DLG2: variants seen among roughly 807,000 people sequenced by gnomAD.
The protein encoded by DLG2 is discs large MAGUK scaffold protein 2.
DLG2 carries 45 observed loss-of-function variants against 132.5 expected under a neutral mutation model. The ratio of observed to expected loss-of-function variants is 0.34; its 90% CI spans 0.27 to 0.44. The LOEUF (loss-of-function observed/expected upper bound fraction) is 0.44. Among genes scored for constraint, DLG2 ranks in the 20% least tolerant of loss-of-function variants. DLG2 has a pLI of 1.00. For missense variants in DLG2, 1,045 were observed against 1,196.9 expected, an observed-to-expected ratio of 0.87 and a Z score of 1.87; for synonymous variants, 424 against 419.6, an observed-to-expected ratio of 1.01 and a Z score of -0.13.
At chr11:85,418,805 T>A (rs1370907335) in intron 3 of DLG2, among the ~76,000 whole-genome samples, 1 of 152,214 alleles carries the variant, frequency 6.6e-6, no homozygotes, top group Non-Finnish European at 1.5e-5. Context: ...TCCATCCCTT[T>A]ATTTTGAGCC....
At chr11:83,518,209 C>T (rs1039889910) in intron 21 of DLG2, among the ~76,000 whole-genome samples, 5 of 152,226 alleles carry the variant, frequency 3.3e-5, no homozygotes, top group African/African-American at 1.2e-4. Context: ...CCTACTCAAG[C>T]CTTGGCAATG....
chr11:83,811,212 C>A (rs1375760788), intron 17 of DLG2, among the ~76,000 whole-genome samples: 3 of 152,096 alleles, frequency 2.0e-5, no homozygotes, highest in African/African-American at 7.2e-5. Flanking sequence ...TGAATGGTAG[C>A]TTTTGCTTTT....
At chr11:85,073,763 G>T (rs2154168283) in intron 6 of DLG2, among the ~76,000 whole-genome samples, 1 of 151,876 alleles carries the variant, frequency 6.6e-6, no homozygotes, top group African/African-American at 2.4e-5. Context: ...TATATCCAAA[G>T]GAATATAAAT....
intron 6 of DLG2, among the ~76,000 whole-genome samples, chr11:85,024,473 A>G (rs2154141556): frequency 6.6e-6 from 1 of 152,346 alleles, no homozygotes; most frequent in East Asian, 1.9e-4. Context: ...TTCAGTCAGC[A>G]AAGACTAGAA....
intron 12 of DLG2, among the ~76,000 whole-genome samples, chr11:83,970,282 T>C (rs1369913649): frequency 1.3e-5 from 2 of 152,180 alleles, no homozygotes; most frequent in Non-Finnish European, 1.5e-5. Context: ...CCAGAAAATA[T>C]TACCTTCAAC....
chr11:84,684,183 A>G (rs1166379729), intron 6 of DLG2, among the ~76,000 whole-genome samples: 3 of 152,174 alleles, frequency 2.0e-5, no homozygotes, highest in Non-Finnish European at 4.4e-5. Context: ...CAAGGACTGA[A>G]AAAATGTATT....
At chr11:84,611,137 C>A (rs2099594913) in intron 6 of DLG2, among the ~76,000 whole-genome samples, 1 of 151,878 alleles carries the variant, frequency 6.6e-6, no homozygotes, top group African/African-American at 2.4e-5. Context: ...TATTTACTTA[C>A]CGGCTTCTCA....
chr11:84,049,788 A>G (rs1290345284), intron 11 of DLG2, among the ~76,000 whole-genome samples: 1 of 151,850 alleles, frequency 6.6e-6, no homozygotes, highest in Non-Finnish European at 1.5e-5. Context: ...CAGAAAAGGA[A>G]GAAATAAAGC....
chr11:84,203,954 T>C (rs545918208), intron 8 of DLG2, among the ~76,000 whole-genome samples: 1 of 151,972 alleles, frequency 6.6e-6, no homozygotes, highest in African/African-American at 2.4e-5. Context: ...CGGGGAAAAA[T>C]ATTTTTTATT....
At chr11:84,732,792 C>G (rs954999738) in intron 6 of DLG2, among the ~76,000 whole-genome samples, 1 of 150,130 alleles carries the variant, frequency 6.7e-6, no homozygotes, top group Non-Finnish European at 1.5e-5. Flanking sequence ...ATCCCTCCCC[C>G]CACCCACCCC....
At chr11:84,820,142 A>C (rs1365599103) in intron 6 of DLG2, among the ~76,000 whole-genome samples, 2 of 151,576 alleles carry the variant, frequency 1.3e-5, no homozygotes, top group African/African-American at 4.8e-5. Context: ...CATTATACCA[A>C]ATACTGGAAA....
intron 6 of DLG2, among the ~76,000 whole-genome samples, chr11:84,874,621 G>T (rs1312562958): frequency 6.6e-6 from 1 of 152,132 alleles, no homozygotes; most frequent in African/African-American, 2.4e-5. Flanking sequence ...AAGATGGATT[G>T]GCATGGAATA....
intron 6 of DLG2, among the ~76,000 whole-genome samples, chr11:84,738,302 G>A (rs1371529812): frequency 6.6e-6 from 1 of 151,378 alleles, no homozygotes; most frequent in African/African-American, 2.4e-5. Flanking sequence ...TCTGCTTAAC[G>A]ATGACATAAT....
chr11:85,305,509 C>CTACT (rs2079877097), intron 3 of DLG2, among the ~76,000 whole-genome samples: 1 of 151,862 alleles, frequency 6.6e-6, no homozygotes, highest in Non-Finnish European at 1.5e-5. Flanking sequence ...TCTTTCTTTC[C>CTACT]TATTTATTTA....
chr11:85,577,321 A>G (rs576129925), intron 3 of DLG2, among the ~76,000 whole-genome samples: 2 of 152,150 alleles, frequency 1.3e-5, no homozygotes, highest in African/African-American at 4.8e-5. Context: ...ATAGTAAGAA[A>G]TGGTAGGATT....
At chr11:85,560,459 G>A (rs1368877345) in intron 3 of DLG2, among the ~76,000 whole-genome samples, 3 of 151,736 alleles carry the variant, frequency 2.0e-5, no homozygotes, top group African/African-American at 4.8e-5. Context: ...AAAACATTAT[G>A]GTAAGTGAAA....
Position 83,989,887 on chromosome 11 carries a change from A to G in DLG2, c.920-9245T>C, listed in dbSNP as rs114529590. Among the ~76,000 whole-genome samples the G allele has an allele frequency of 8.2e-3, 1,251 of 152,286 alleles. 17 individuals are homozygous for G. The highest frequency in any genetic ancestry group is 0.028 in the African/African-American group (1,183 of 41,560). On this transcript the variant is annotated intron_variant, in intron 11 of 27. Coordinates refer to ENST00000376104, the MANE Select transcript of DLG2 (RefSeq NM_001142699.3). Reference sequence around the variant, plus strand: ...AAAATACTGATTTCGGGGAAGTGATAGTTTTGTAACAACTAAAGAAAATTG... The same window carrying G: ...AAAATACTGATTTCGGGGAAGTGATGGTTTTGTAACAACTAAAGAAAATTG...
chr11:84,809,179 G>C (rs2076298499), intron 6 of DLG2, among the ~76,000 whole-genome samples: 1 of 151,864 alleles, frequency 6.6e-6, no homozygotes, highest in African/African-American at 2.4e-5. Flanking sequence ...GGCTAAAGAA[G>C]AGCAACCACA....
At chr11:85,034,998 G>A (rs1450803832) in intron 6 of DLG2, among the ~76,000 whole-genome samples, 2 of 152,116 alleles carry the variant, frequency 1.3e-5, no homozygotes, top group East Asian at 3.8e-4. Context: ...AATAATAACA[G>A]AAGGCACTCT....
Sources: gnomAD v4.1 joint callset for allele counts (sites outside exome capture counted in the v4.1 genomes callset) on GRCh38, gnomAD v4.1.1 for gene constraint, MANE v1.5 for transcripts, NCBI Gene and HGNC (gene_info 2026-07-23, HGNC 2026-07-21) for gene names.